Variants in ZIK1 observed in about 807,000 individuals in gnomAD.
The protein encoded by ZIK1 is zinc finger protein interacting with ribonucleoprotein K.
A neutral mutation model predicts 10.7 loss-of-function variants in ZIK1; 12 were observed. That is an observed-to-expected ratio of 1.12 (90% confidence interval 0.72 to 1.81). The LOEUF is 1.81. ZIK1 is among the 40% of genes most tolerant of loss of function. The probability of loss-of-function intolerance (pLI) is 0.00; values close to 1 mark genes in which losing one functional copy is unlikely to be tolerated. For synonymous variants in ZIK1, 190 were observed against 205.0 expected (o/e 0.93, Z 0.63); for missense variants, 497 against 585.7 (o/e 0.85, Z 1.56).
rs1178412774 is a variant in ZIK1, at chr19:57,593,184, G to C, written c.*1909G>C. 7.6e-6 allele frequency: 1 copy of C among 132,072 alleles called. No individual in the cohort carries two copies. Among genetic ancestry groups the C allele is most frequent in the Non-Finnish European group, 1.6e-5 (1 of 61,280 alleles). The allele number at this position is 132,072 out of a possible 1,614,324, so 8.2% of individuals were successfully genotyped here. Reference sequence around the variant, plus strand: ...AGCCTCCTGAGAAGCTAGGACTACAGGCATGCACTACCACGCCCAACTAAT... The same window carrying C: ...AGCCTCCTGAGAAGCTAGGACTACACGCATGCACTACCACGCCCAACTAAT... On this transcript the variant is annotated 3_prime_UTR_variant, in exon 4 of 4. Transcript: ENST00000597850.
rs1349285595 is a variant in ZIK1, at chr19:57,590,286, C to T, written c.475C>T (p.Leu159=). 1.3e-5 allele frequency: 21 copies of T among 1,614,106 alleles called. No individual in the cohort carries two copies. Among genetic ancestry groups the T allele is most frequent in the Middle Eastern group, 1.6e-4 (1 of 6,084 alleles). ...CAGAGCCTCATATGTGAAGTGCTGC[C>T]TATTCTGTATGTCATTGAAGCCCTT... ...MDRASYVKCC[L]FCMSLKPFRK... The change falls in exon 4 of 4, where the codon CTA becomes TTA. Residue 159 remains leucine, a synonymous_variant. Transcript: ENST00000597850.
At chr19:57,588,236 C>CT (rs1351978631) in intron 2 of ZIK1, among the ~76,000 whole-genome samples, 1 of 152,068 alleles carries the variant, frequency 6.6e-6, no homozygotes, top group African/African-American at 2.4e-5. Context: ...GCATTGAGGA[C>CT]TTAAGGGTCA....
Position 57,590,556 on chromosome 19 carries a change from C to A in ZIK1, c.745C>A (p.Arg249Ser). 1 of 1,614,096 alleles carries A rather than the reference C, an allele frequency of 6.2e-7. No homozygotes were observed. Among genetic ancestry groups the A allele is most frequent in the Non-Finnish European group, 8.5e-7 (1 of 1,180,030 alleles). Residue 249 changes from arginine to serine, a missense_variant, in exon 4 of 4, where the codon CGT (arginine) becomes AGT (serine). Physicochemically the swap from Arg to Ser is moderately radical, Grantham distance 110. Coordinates refer to ENST00000597850, the MANE Select transcript of ZIK1 (RefSeq NM_001010879.4). ...GTGTAGCAAATGTGGGAAAGCCTTC[C>A]GTGGCAAGTACTCACTTGTTCAGCA... is the stretch of plus-strand genomic sequence containing the variant. ...YECSKCGKAFRGKYSLVQHQR... is the reference protein window; with the variant it reads ...YECSKCGKAFSGKYSLVQHQR...
chr19:57,586,698 G>GATGATC (rs1293790904), intron 2 of ZIK1, among the ~76,000 whole-genome samples: 11 of 152,186 alleles, frequency 7.2e-5, no homozygotes, highest in African/African-American at 2.7e-4. Flanking sequence ...TAGGAAAGAG[G>GATGATC]ATGATCTGGT....
At chr19:57,587,493 G>C (rs1979273638) in intron 2 of ZIK1, among the ~76,000 whole-genome samples, 1 of 152,128 alleles carries the variant, frequency 6.6e-6, no homozygotes, top group Non-Finnish European at 1.5e-5. Flanking sequence ...CTTAAACAAA[G>C]AGGCCAGAGA....
intron 2 of ZIK1, among the ~76,000 whole-genome samples, chr19:57,586,101 GAA>G (rs1979133754): frequency 6.6e-6 from 1 of 152,154 alleles, no homozygotes; most frequent in Non-Finnish European, 1.5e-5. Flanking sequence ...ATATTCCAAA[GAA>G]TGATATATGG....
At position 57,584,163 on chromosome 19, in the gene ZIK1, A is replaced by C; in HGVS notation, c.-194A>C. Reference sequence around the variant, plus strand: ...TCACTTCAGTGGCGGTCATTTTTGCAGCGCTTGGGTGCATCCAGACCGTCA... The same window carrying C: ...TCACTTCAGTGGCGGTCATTTTTGCCGCGCTTGGGTGCATCCAGACCGTCA... On this transcript the variant is annotated 5_prime_UTR_variant, in exon 1 of 4. Coordinates refer to ENST00000597850, the MANE Select transcript of ZIK1 (RefSeq NM_001010879.4). The C allele has an allele frequency of 1.8e-6, 2 of 1,091,860 alleles. No homozygotes were observed. The highest frequency in any genetic ancestry group is 2.5e-6 in the Non-Finnish European group (2 of 794,976). The allele number at this position is 1,091,860 out of a possible 1,614,324, so 67.6% of individuals were successfully genotyped here.
chr19:57,584,786 C>T (rs1978980868), intron 1 of ZIK1, among the ~76,000 whole-genome samples, 166 bp from the exon 2 acceptor site: 1 of 152,178 alleles, frequency 6.6e-6, no homozygotes, highest in South Asian at 2.1e-4. Context: ...TGTGCAAGGT[C>T]CCACAGTTGC....
chr19:57,591,190 A>AATTCATACTGGAGC lies in ZIK1; in HGVS notation c.1380_1381insTTCATACTGGAGCA (p.Arg461PhefsTer55). ...CAACACCAAGTGGTTCACACTGGAG[A>AATTCATACTGGAGC]AAGGCCTTATGAGTGCAACAAATGT... On this transcript the variant is annotated frameshift_variant, in exon 4 of 4. Coordinates refer to ENST00000597850, the MANE Select transcript of ZIK1 (RefSeq NM_001010879.4). LOFTEE classifies it low-confidence loss of function (END_TRUNC). 6.2e-7 allele frequency: 1 copy of AATTCATACTGGAGC among 1,614,226 alleles called. No homozygotes were observed. Among genetic ancestry groups the AATTCATACTGGAGC allele is most frequent in the Non-Finnish European group, 8.5e-7 (1 of 1,180,034 alleles).
Position 57,584,341 on chromosome 19 carries a change from C to G in ZIK1, c.-16C>G, listed in dbSNP as rs749411715. 1 of 1,592,888 alleles carries G rather than the reference C, an allele frequency of 6.3e-7. No individual in the cohort carries two copies. Among genetic ancestry groups the G allele is most frequent in the Non-Finnish European group, 8.5e-7 (1 of 1,170,250 alleles). On this transcript the variant is annotated 5_prime_UTR_variant, in exon 1 of 4. Transcript: ENST00000597850. ...GTAGCTGTCGGGTCCCGGCCCCGCT[C>G]TGCCCACAGACTCCGATGGCTGCGG...
Position 57,584,378 on chromosome 19 carries a change from G to A in ZIK1, c.22G>A (p.Ala8Thr), listed in dbSNP as rs775597677. Residue 8 changes from alanine (A) to threonine (T), a missense_variant, in exon 1 of 4, where the codon GCC becomes ACC. Coordinates refer to ENST00000597850, the MANE Select transcript of ZIK1 (RefSeq NM_001010879.4). The part of the protein sequence containing the change: MAAAALR[A>T]PTQVTVSPET... ...TCCGATGGCTGCGGCCGCGCTGAGGGCCCCGACTCAGGTGAGCGCTGCCTC... is the reference window on the plus strand; with the variant it reads ...TCCGATGGCTGCGGCCGCGCTGAGGACCCCGACTCAGGTGAGCGCTGCCTC... 26 of 1,606,922 alleles carry A rather than the reference G, an allele frequency of 1.6e-5. No homozygotes were observed. The highest frequency in any genetic ancestry group is 2.2e-5 in the South Asian group (2 of 89,770).
intron 1 of ZIK1, chr19:57,584,606 T>G (rs1978960723): frequency 1.4e-6 from 2 of 1,395,808 alleles, no homozygotes; most frequent in East Asian, 2.7e-5. Flanking sequence ...ATACCTGGAG[T>G]GCCAAGGTGA....
intron 3 of ZIK1, chr19:57,589,806 C>T: frequency 1.4e-6 from 1 of 729,570 alleles, no homozygotes; most frequent in Non-Finnish European, 1.7e-6. Flanking sequence ...TTCATCCCAT[C>T]CTTGTGTCCT....
intron 3 of ZIK1, chr19:57,589,496 C>T: frequency 1.0e-6 from 1 of 985,428 alleles, no homozygotes; most frequent in Non-Finnish European, 1.2e-6. Flanking sequence ...CATGCATCAT[C>T]TGCTTCTCTG....
rs1568616699 is a variant in ZIK1, at chr19:57,591,106, C to T, written c.1295C>T (p.Ala432Val). ...CAACACCGGAGAATTCATACTGGAG[C>T]AAGGCCTTATGAGTGTGGCCAGTGT... ...LIQHRRIHTG[A>V]RPYECGQCGK... Residue 432 changes from alanine to valine, a missense_variant, in exon 4 of 4, where the codon GCA (alanine) becomes GTA (valine). Physicochemically the swap from Ala to Val is moderately conservative, Grantham distance 64. Coordinates refer to ENST00000597850, the MANE Select transcript of ZIK1 (RefSeq NM_001010879.4). The T allele has an allele frequency of 6.2e-7, 1 of 1,613,992 alleles. No homozygotes were observed. The highest frequency in any genetic ancestry group is 8.5e-7 in the Non-Finnish European group (1 of 1,179,970).
chr19:57,590,809 G>A lies in ZIK1; in HGVS notation c.998G>A (p.Ser333Asn), dbSNP rs1979619725. ...YECSQCGKSF[S>N]QKATLVKHQR... is the part of the protein sequence containing the mutation. ...TGTAGCCAGTGTGGGAAATCCTTTA[G>A]CCAAAAAGCCACCCTTGTTAAACAC... The change falls in exon 4 of 4, where the codon AGC becomes AAC. Residue 333 changes from serine (S) to asparagine (N), a missense_variant. By Grantham distance (46) the Ser-to-Asn change is conservative. Coordinates refer to ENST00000597850, the MANE Select transcript of ZIK1 (RefSeq NM_001010879.4). The A allele has an allele frequency of 4.3e-6, 7 of 1,614,042 alleles. No individual in the cohort carries two copies. The highest frequency in any genetic ancestry group is 4.5e-5 in the East Asian group (2 of 44,892).
chr19:57,589,702 A>G (rs988730997), intron 3 of ZIK1: 7 of 985,232 alleles, frequency 7.1e-6, no homozygotes, highest in Admixed American at 6.1e-5. Context: ...CCTGAAGACT[A>G]TGTGGTGAGT....
rs569753895 is a variant in ZIK1, at chr19:57,590,210, C to A, written c.399C>A (p.His133Gln). The A allele has an allele frequency of 2.5e-6, 4 of 1,614,226 alleles. No individual in the cohort carries two copies. In the African/African-American group the frequency reaches 5.3e-5, roughly 22 times the overall value. The part of the protein sequence containing the change: ...PYLVGECTNH[H>Q]QHQKHHSAKK... The stretch of plus-strand genomic sequence containing the variant: ...TGGTTGGAGAATGTACAAACCATCA[C>A]CAGCACCAGAAGCATCACAGTGCAA... Residue 133 changes from histidine (H) to glutamine (Q), a missense_variant, in exon 4 of 4, where the codon CAC (histidine) becomes CAA (glutamine). Transcript: ENST00000597850.
intron 3 of ZIK1, chr19:57,589,539 A>G: frequency 1.0e-6 from 1 of 985,362 alleles, no homozygotes; most frequent in Non-Finnish European, 1.2e-6. Context: ...TCCAACATTG[A>G]CACACACATA....
Sources: gnomAD v4.1 joint callset for allele counts (sites outside exome capture counted in the v4.1 genomes callset) on GRCh38, gnomAD v4.1.1 for gene constraint, MANE v1.5 for transcripts, NCBI Gene and HGNC (gene_info 2026-07-23, HGNC 2026-07-21) for gene names.